The following ZBTB17 variants were observed in gnomAD, a reference collection of about 807,000 sequenced individuals.
ZBTB17 encodes zinc finger and BTB domain containing 17.
ZBTB17 carries 24 observed loss-of-function variants against 85.1 expected under a neutral mutation model. That is an observed-to-expected ratio of 0.28 (90% CI 0.20 to 0.40). The LOEUF (loss-of-function observed/expected upper bound fraction) is 0.40, where lower values mean the gene tolerates loss of function less well. Among genes scored for constraint, ZBTB17 ranks in the 10% least tolerant of loss-of-function variants. The pLI, the probability that ZBTB17 is intolerant of heterozygous loss-of-function variation, is 1.00. For synonymous variants in ZBTB17, 464 were observed against 460.2 expected, an observed-to-expected ratio of 1.01 and a Z score of -0.11; for missense variants, 743 against 1,105.1, an observed-to-expected ratio of 0.67 and a Z score of 4.65.
Position 15,943,905 on chromosome 1 carries a change from G to A in ZBTB17, c.1372-10C>T, listed in dbSNP as rs757785586. On this transcript the variant is annotated splice_polypyrimidine_tract_variant and intron_variant, in intron 9 of 15. Transcript: ENST00000375743. ...CCTTCAGGTTCCCTACCTGTGCCCA[G>A]GGAGGGGTCAGGGGGGCCACCCCAC... 40 of 1,586,848 alleles carry A rather than the reference G, an allele frequency of 2.5e-5. No homozygotes were observed. Among genetic ancestry groups the A allele is most frequent in the Non-Finnish European group, 3.4e-5 (40 of 1,166,996 alleles).
chr1:15,964,474 T>C lies in ZBTB17; in HGVS notation c.-3+8565A>G, dbSNP rs1176270316. ...GGCTCACGCCTGTAATCCCAACACG[T>C]TGGGAGGCTGAGGTGGGAGGATTGC... On this transcript the variant is annotated intron_variant, in intron 2 of 15. Coordinates refer to ENST00000375743, the MANE Select transcript of ZBTB17 (RefSeq NM_003443.3). This position sits in a 1 kb window ranked among gnomAD's most constrained non-coding sequence, Gnocchi z 4.3. Among the ~76,000 whole-genome samples the C allele has an allele frequency of 6.6e-6, 1 of 152,000 alleles. No homozygotes were observed. Among genetic ancestry groups the C allele is most frequent in the African/African-American group, 2.4e-5 (1 of 41,350 alleles).
chr1:15,975,186 C>T (rs1021945906), intron 1 of ZBTB17, among the ~76,000 whole-genome samples: 1 of 152,232 alleles, frequency 6.6e-6, no homozygotes, highest in Non-Finnish European at 1.5e-5. Flanking sequence ...CAATTAATAA[C>T]AGCAACAAAC....
Position 15,951,398 on chromosome 1 carries a change from G to C in ZBTB17, c.-2-2901C>G, listed in dbSNP as rs1354030631. On this transcript the variant is annotated intron_variant, in intron 2 of 15. Transcript: ENST00000375743. The surrounding 1 kb of genome is among the most constrained non-coding windows in gnomAD (Gnocchi z 4.1). ...TGAAATGCGCTTACCAGTACAATCT[G>C]GGACTGGCCTCCCAGGGGTGCAAGA... Among the ~76,000 whole-genome samples, 2 of 152,142 alleles carry C rather than the reference G, an allele frequency of 1.3e-5. No homozygotes were observed. Among genetic ancestry groups the C allele is most frequent in the African/African-American group, 2.4e-5 (1 of 41,426 alleles).
Position 15,946,997 on chromosome 1 carries a change from A to G in ZBTB17, c.332T>C (p.Leu111Pro). ...MQDIITACHA[L>P]KSLAEPATSP... ...GGTAGCCGGCTCAGCAAGTGACTTG[A>G]GGGCATGGCAGGCCGTGATGATGTC... Residue 111 changes from leucine (L) to proline (P), a missense_variant, in exon 4 of 16, where the codon CTC becomes CCC. Leu to Pro is a moderately conservative substitution (Grantham distance 98). This residue lies in a region of ZBTB17 where 279 missense variants were observed against 269.9 expected (regional missense o/e 1.03). Coordinates refer to ENST00000375743, the MANE Select transcript of ZBTB17 (RefSeq NM_003443.3). 3.7e-6 allele frequency: 6 copies of G among 1,614,004 alleles called. No individual in the cohort carries two copies. The highest frequency in any genetic ancestry group is 5.1e-6 in the Non-Finnish European group (6 of 1,179,944).
rs2072726612 is a variant in ZBTB17 at position 15,972,569 on chromosome 1, C to T, written c.-3+470G>A. ...AAAAGGAATGAGTGTGTGCTCGCTG[C>T]TCTGTGTCCCTTTTTGCCCTAGGGA... On this transcript the variant is annotated intron_variant, in intron 2 of 15. Transcript: ENST00000375743. Among the ~76,000 whole-genome samples, 4 of 152,184 alleles carry T rather than the reference C, an allele frequency of 2.6e-5. No individual in the cohort carries two copies. The South Asian group carries it at 8.3e-4, about 32-fold the overall frequency.
At chr1:15,974,197 A>AC (rs990330497) in intron 1 of ZBTB17, among the ~76,000 whole-genome samples, 34 of 148,644 alleles carry the variant, frequency 2.3e-4, no homozygotes, top group African/African-American at 4.4e-4. Context: ...TCTCAAAAAA[A>AC]AAAAACAAAA....
chr1:15,956,751 G>C lies in ZBTB17; in HGVS notation c.-2-8254C>G, dbSNP rs887459875. On this transcript the variant is annotated intron_variant, in intron 2 of 15. Transcript: ENST00000375743. Reference sequence around the variant, plus strand: ...GAGAGTCTACCTTGTGTTTGTCCTAGGTACTATGTTAGAACTTCAAACTGA... The same window carrying C: ...GAGAGTCTACCTTGTGTTTGTCCTACGTACTATGTTAGAACTTCAAACTGA... 1.9e-4 allele frequency among the ~76,000 whole-genome samples: 29 copies of C among 152,304 alleles called. 1 individual carries two copies. The highest frequency in any genetic ancestry group is 3.4e-3 in the Middle Eastern group (1 of 294).
intron 3 of ZBTB17, among the ~76,000 whole-genome samples, chr1:15,947,605 A>G (rs560428606): frequency 6.6e-6 from 1 of 152,178 alleles, no homozygotes; most frequent in East Asian, 1.9e-4. Flanking sequence ...GTGAATGCCC[A>G]CCCTGCATTG....
In ZBTB17 at chr1:15,951,180, C is replaced by T. The variant is rs2071821614; in HGVS notation, c.-2-2683G>A. 6.6e-6 allele frequency among the ~76,000 whole-genome samples: 1 copy of T among 152,068 alleles called. No homozygotes were observed. Among genetic ancestry groups the T allele is most frequent in the African/African-American group, 2.4e-5 (1 of 41,388 alleles). On this transcript the variant is annotated intron_variant, in intron 2 of 15. Transcript: ENST00000375743. This position sits in a 1 kb window ranked among gnomAD's most constrained non-coding sequence, Gnocchi z 4.1. ...GTGTTAGGAGGAGAAACAGAGGCGT[C>T]TATAATCCTCTGAGGCTGCCCCAGC...
rs2072385206 is a variant in ZBTB17, at chr1:15,964,889, G to T, written c.-3+8150C>A. On this transcript the variant is annotated intron_variant, in intron 2 of 15. Coordinates refer to ENST00000375743, the MANE Select transcript of ZBTB17 (RefSeq NM_003443.3). This position sits in a 1 kb window ranked among gnomAD's most constrained non-coding sequence, Gnocchi z 4.3. ...CCAGCACTTTGGGAGGCCGAGATGG[G>T]TGGATCATGAGGTCAGGAGTTCAAG... Among the ~76,000 whole-genome samples the T allele has an allele frequency of 6.6e-6, 1 of 152,126 alleles. No homozygotes were observed. The highest frequency in any genetic ancestry group is 6.5e-5 in the Admixed American group (1 of 15,274).
chr1:15,950,252 A>C (rs116276900), intron 2 of ZBTB17, among the ~76,000 whole-genome samples: 3,761 of 152,334 alleles, frequency 0.025, 78 homozygotes, highest in Non-Finnish European at 0.036. Flanking sequence ...CCTATCTGTG[A>C]CCTGAAGGAA....
chr1:15,971,969 T>G (rs1315836708), intron 2 of ZBTB17, among the ~76,000 whole-genome samples: 1 of 151,812 alleles, frequency 6.6e-6, no homozygotes, highest in Admixed American at 6.6e-5. Context: ...GGAGGGCAGA[T>G]TCACACCTGA....
intron 2 of ZBTB17, among the ~76,000 whole-genome samples, chr1:15,970,370 GA>G (rs35489228): frequency 0.2 from 28,822 of 146,654 alleles, 3,313 homozygotes; most frequent in African/African-American, 0.33. Context: ...ACTTAAAGAA[GA>G]AAAAAAAAAA....
rs140217079 is a variant in ZBTB17, at chr1:15,947,011, C to T, written c.318G>A (p.Thr106=). The change falls in exon 4 of 16, where the codon ACG becomes ACA. Residue 106 remains threonine (T), a synonymous_variant. Coordinates refer to ENST00000375743, the MANE Select transcript of ZBTB17 (RefSeq NM_003443.3). The part of the protein sequence containing the change: ...ATFLQMQDII[T]ACHALKSLAE... ...CAAGTGACTTGAGGGCATGGCAGGC[C>T]GTGATGATGTCCTGCATTTGGAGGA... 3.8e-5 allele frequency: 61 copies of T among 1,613,948 alleles called. No individual in the cohort carries two copies. In the African/African-American group the frequency reaches 4.3e-4, roughly 11 times the overall value.
intron 2 of ZBTB17, among the ~76,000 whole-genome samples, chr1:15,963,692 G>A (rs1321081861): frequency 2.0e-5 from 3 of 152,152 alleles, no homozygotes; most frequent in Admixed American, 6.5e-5. Context: ...ACATATTTCA[G>A]GCAGATGAAA....
At chr1:15,947,766 G>T (rs961522745) in intron 3 of ZBTB17, among the ~76,000 whole-genome samples, 14 of 152,288 alleles carry the variant, frequency 9.2e-5, no homozygotes, top group African/African-American at 3.4e-4. Flanking sequence ...ACCTCTTTGG[G>T]TCTCAGTTTC....
At chr1:15,969,536 G>T (rs1212161507) in intron 2 of ZBTB17, 3 of 350,986 alleles carry the variant, frequency 8.5e-6, no homozygotes, top group Non-Finnish European at 1.7e-5. Context: ...CAGTAGTGTG[G>T]GGACTCCAGG....
At chr1:15,955,297 T>C (rs1485748994) in intron 2 of ZBTB17, among the ~76,000 whole-genome samples, 2 of 152,252 alleles carry the variant, frequency 1.3e-5, no homozygotes, top group African/African-American at 2.4e-5. Flanking sequence ...GTGCAAGACA[T>C]GGCAGAGAAG....
chr1:15,941,894 T>C lies in ZBTB17; in HGVS notation c.*75A>G, dbSNP rs888588875. 4 of 1,520,720 alleles carry C rather than the reference T, an allele frequency of 2.6e-6. No individual in the cohort carries two copies. In the African/African-American group the frequency reaches 4.1e-5, roughly 16 times the overall value. 94.2% of individuals were successfully genotyped at this position (1,520,720 alleles called of 1,614,324 possible). ...TTAGAAAATAATCCAATTTATTCTC[T>C]CTAGGGAACAGGCCACCCTTCCCGG... On this transcript the variant is annotated 3_prime_UTR_variant, in exon 16 of 16. Coordinates refer to ENST00000375743, the MANE Select transcript of ZBTB17 (RefSeq NM_003443.3).
Sources: gnomAD v4.1 joint callset for allele counts (sites outside exome capture counted in the v4.1 genomes callset) on GRCh38, gnomAD v4.1.1 for gene constraint, gnomAD v4.1.1 regional missense constraint, Gnocchi (gnomAD v3.1) non-coding constraint, MANE v1.5 for transcripts, NCBI Gene and HGNC (gene_info 2026-07-23, HGNC 2026-07-21) for gene names.